Variants in LRRC49 observed in about 807,000 individuals in gnomAD.
LRRC49 encodes leucine rich repeat containing 49.
Under a neutral mutation model 83.3 loss-of-function variants are expected in LRRC49, and 50 were observed. That is an observed-to-expected ratio of 0.60 (90% CI 0.48 to 0.76). LRRC49 has a LOEUF of 0.76. LRRC49 is among the 30% of genes least tolerant of loss of function. The probability of loss-of-function intolerance (pLI) is 0.00; values close to 1 mark genes in which losing one functional copy is unlikely to be tolerated. For missense variants in LRRC49, 704 were observed against 809.1 expected (o/e 0.87, Z 1.58); for synonymous variants, 286 against 283.3 (o/e 1.01, Z -0.10).
intron 11 of LRRC49, 198 bp downstream of exon 11, chr15:70,984,455 A>G (rs1274447152): frequency 2.3e-6 from 1 of 443,214 alleles, no homozygotes. Flanking sequence ...TTCATAGGGC[A>G]TTTCATATTT....
chr15:70,874,791 T>C (rs2033118434), intron 2 of LRRC49, among the ~76,000 whole-genome samples: 1 of 152,248 alleles, frequency 6.6e-6, no homozygotes, highest in Non-Finnish European at 1.5e-5. Context: ...GAACAAGTAC[T>C]GAGGAAGATT....
At chr15:71,012,087 G>A (rs1034778159) in intron 13 of LRRC49, among the ~76,000 whole-genome samples, 63 of 152,018 alleles carry the variant, frequency 4.1e-4, no homozygotes, top group African/African-American at 1.5e-3. Context: ...TGTTCTGTAG[G>A]GGGCAAAATG....
chr15:71,015,461 A>G (rs1306497103), intron 14 of LRRC49, among the ~76,000 whole-genome samples: 6 of 152,188 alleles, frequency 3.9e-5, no homozygotes, highest in Non-Finnish European at 8.8e-5. Flanking sequence ...TTGCGTTCCT[A>G]TGAGAATCTA....
chr15:71,051,911 A>T lies in LRRC49; in HGVS notation c.*2299A>T, dbSNP rs927272064. On this transcript the variant is annotated 3_prime_UTR_variant, in exon 16 of 16. Coordinates refer to ENST00000260382, the MANE Select transcript of LRRC49 (RefSeq NM_017691.5). Reference sequence around the variant, plus strand: ...CAGCTTTGGTCTCTGCTTCCTTCCTACCTGAGTTCCCTTTCGCTCCTACCT... The same window carrying T: ...CAGCTTTGGTCTCTGCTTCCTTCCTTCCTGAGTTCCCTTTCGCTCCTACCT... 11 of 152,302 alleles carry T rather than the reference A, an allele frequency of 7.2e-5. No individual in the cohort carries two copies. Among genetic ancestry groups the T allele is most frequent in the African/African-American group, 2.4e-4 (10 of 41,458 alleles). The allele number at this position is 152,302 out of a possible 1,614,324, so 9.4% of individuals were successfully genotyped here. A position where few individuals can be genotyped will look rare whatever the true frequency, so the allele number is the denominator to read the frequency against.
intron 11 of LRRC49, among the ~76,000 whole-genome samples, chr15:71,001,586 TACTGC>T (rs1432758660): frequency 2.6e-5 from 4 of 152,348 alleles, no homozygotes; most frequent in African/African-American, 9.6e-5. Context: ...AGTCTTCCCC[TACTGC>T]ACTTGTTGTT....
intron 1 of LRRC49, chr15:70,854,169 G>A: frequency 9.4e-7 from 1 of 1,069,060 alleles, no homozygotes; most frequent in Non-Finnish European, 1.2e-6. Flanking sequence ...CGACGAGGGG[G>A]CGGGGGCGGT....
intron 1 of LRRC49, among the ~76,000 whole-genome samples, chr15:70,861,292 A>T (rs1005680710): frequency 2.0e-5 from 3 of 151,994 alleles, no homozygotes; most frequent in African/African-American, 7.2e-5. Flanking sequence ...AACAACTTAA[A>T]CATTTATTGC....
intron 4 of LRRC49, among the ~76,000 whole-genome samples, chr15:70,902,366 G>T (rs1452891963): frequency 6.6e-6 from 1 of 152,136 alleles, no homozygotes; most frequent in Non-Finnish European, 1.5e-5. Flanking sequence ...TAACAGCATG[G>T]GCCTCTGGGG....
chr15:70,891,088 A>T (rs1358840127), upstream of LRRC49, among the ~76,000 whole-genome samples: 2 of 152,214 alleles, frequency 1.3e-5, no homozygotes, highest in African/African-American at 4.8e-5. Flanking sequence ...GGAAATTACT[A>T]ACCTCTTGCT....
At chr15:70,958,533 G>C (rs892569818) in intron 8 of LRRC49, among the ~76,000 whole-genome samples, 10 of 152,282 alleles carry the variant, frequency 6.6e-5, no homozygotes, top group Non-Finnish European at 1.3e-4. Flanking sequence ...CACAACTATG[G>C]GGGAAGGAGA....
At chr15:70,961,414 A>G (rs1409469926) in intron 8 of LRRC49, among the ~76,000 whole-genome samples, 2 of 152,218 alleles carry the variant, frequency 1.3e-5, no homozygotes, top group African/African-American at 2.4e-5. Flanking sequence ...ATCCATTTGA[A>G]TTGAAAACTT....
chr15:71,040,798 C>T (rs1596175983), intron 15 of LRRC49, among the ~76,000 whole-genome samples: 1 of 89,686 alleles, frequency 1.1e-5, no homozygotes, highest in Non-Finnish European at 2.1e-5. Context: ...CCAGCCTGGG[C>T]AACAAAGCAA....
intron 1 of LRRC49, among the ~76,000 whole-genome samples, chr15:70,861,449 T>C (rs1257798956): frequency 1.3e-5 from 2 of 150,544 alleles, no homozygotes; most frequent in Non-Finnish European, 3.0e-5. Context: ...TTCAGAAGAA[T>C]AGCATTATCA....
At chr15:70,868,446 A>G (rs1220390472) in intron 1 of LRRC49, among the ~76,000 whole-genome samples, 1 of 152,206 alleles carries the variant, frequency 6.6e-6, no homozygotes, top group Non-Finnish European at 1.5e-5. Context: ...AGAAAATGAT[A>G]TTTGGTCACT....
chr15:70,902,311 C>T (rs1429131860), intron 4 of LRRC49, among the ~76,000 whole-genome samples: 2 of 152,080 alleles, frequency 1.3e-5, no homozygotes, highest in African/African-American at 4.8e-5. Context: ...TTAGGCACTT[C>T]CTTTGTAGCT....
chr15:70,915,980 C>A (rs921307402), intron 6 of LRRC49, among the ~76,000 whole-genome samples: 2 of 152,126 alleles, frequency 1.3e-5, no homozygotes, highest in Non-Finnish European at 2.9e-5. Flanking sequence ...GAGAAAAGTT[C>A]TTTTAGCTAA....
chr15:70,865,523 T>C (rs4776531), intron 1 of LRRC49, among the ~76,000 whole-genome samples: 83,125 of 152,054 alleles, frequency 0.55, 23,489 homozygotes, highest in Admixed American at 0.69. Context: ...CAGGATCCAA[T>C]TTAGAGTCAC....
chr15:70,903,700 A>G (rs2034180644), intron 4 of LRRC49, among the ~76,000 whole-genome samples: 1 of 152,096 alleles, frequency 6.6e-6, no homozygotes, highest in African/African-American at 2.4e-5. Flanking sequence ...ATAGAGCTGT[A>G]TTTTCCTTGA....
chr15:70,929,410 T>C (rs941267365), intron 7 of LRRC49, among the ~76,000 whole-genome samples: 1 of 152,212 alleles, frequency 6.6e-6, no homozygotes, highest in African/African-American at 2.4e-5. Context: ...AATTCAAAAA[T>C]ACTTTAGTAA....
Sources: gnomAD v4.1 joint callset for allele counts (sites outside exome capture counted in the v4.1 genomes callset) on GRCh38, gnomAD v4.1.1 for gene constraint, MANE v1.5 for transcripts, NCBI Gene and HGNC (gene_info 2026-07-23, HGNC 2026-07-21) for gene names.